SPAG11B: variants seen among roughly 807,000 people sequenced by gnomAD.
SPAG11B encodes sperm associated antigen 11B, also known as sperm-associated antigen 11B.
Under a neutral mutation model 8.9 loss-of-function variants are expected in SPAG11B, and 5 were observed. That is an observed-to-expected ratio of 0.56 (90% CI 0.29 to 1.19). SPAG11B has a LOEUF of 1.19. Among genes scored for constraint, SPAG11B ranks in the 50% most tolerant of loss-of-function variants. SPAG11B has a pLI of 0.08. For synonymous variants in SPAG11B, 12 were observed against 53.0 expected, an observed-to-expected ratio of 0.23 and a Z score of 3.36; for missense variants, 38 against 146.4, an observed-to-expected ratio of 0.26 and a Z score of 3.82.
At position 7,453,925 on chromosome 8, in the gene SPAG11B, A is replaced by G. The variant is rs1358493662; in HGVS notation, c.215-3025T>C. Among the ~76,000 whole-genome samples the G allele has an allele frequency of 2.4e-4, 36 of 147,286 alleles. 1 individual carries two copies. The highest frequency in any genetic ancestry group is 3.5e-3 in the Middle Eastern group (1 of 284). On this transcript the variant is annotated intron_variant, in intron 2 of 2. Transcript: ENST00000398462. ...ACCCTCCACCAAAAAAAAAGAGAGA[A>G]AAAAAAAAGTTACCTTAAATGTTAG...
At chr8:7,452,578 A>G (rs549278989) in intron 2 of SPAG11B, among the ~76,000 whole-genome samples, 1 of 10,184 alleles carries the variant, frequency 9.8e-5, no homozygotes, top group African/African-American at 4.2e-4. Flanking sequence ...ATATACGGAT[A>G]TTGAAGAGGA....
chr8:7,453,391 C>T (rs1810302193), intron 2 of SPAG11B, among the ~76,000 whole-genome samples: 1 of 149,246 alleles, frequency 6.7e-6, no homozygotes, highest in South Asian at 2.1e-4. Context: ...CTCTCCTATC[C>T]CCCTGGGCTT....
downstream of SPAG11B, among the ~76,000 whole-genome samples, chr8:7,450,240 C>T (rs2128871551): frequency 7.1e-6 from 1 of 141,622 alleles, no homozygotes; most frequent in South Asian, 2.2e-4. Flanking sequence ...AGAGTAAATG[C>T]TTGAAAACAA....
intron 2 of SPAG11B, among the ~76,000 whole-genome samples, chr8:7,458,625 T>A (rs1585512851): frequency 9.0e-6 from 1 of 111,454 alleles, no homozygotes; most frequent in South Asian, 3.0e-4. Flanking sequence ...ATAAGACTAT[T>A]TAAAAATAAT....
intron 2 of SPAG11B, among the ~76,000 whole-genome samples, chr8:7,452,914 T>G (rs1324878616): frequency 7.0e-6 from 1 of 142,700 alleles, no homozygotes; most frequent in Admixed American, 7.0e-5. Context: ...CAAGAAGATG[T>G]GTACAACAAC....
intron 2 of SPAG11B, among the ~76,000 whole-genome samples, chr8:7,453,911 A>G (rs1417586894): frequency 6.7e-6 from 1 of 149,046 alleles, no homozygotes; most frequent in African/African-American, 2.5e-5. Context: ...CCCTCCACCA[A>G]AAAAAAAGAG....
At chr8:7,453,557 C>T (rs1440315985) in intron 2 of SPAG11B, among the ~76,000 whole-genome samples, 1 of 148,972 alleles carries the variant, frequency 6.7e-6, no homozygotes, top group Non-Finnish European at 1.5e-5. Context: ...CTTGCAGAGC[C>T]TTGTTATTCT....
At chr8:7,452,289 C>G in intron 2 of SPAG11B, 1 of 92,098 alleles carries the variant, frequency 1.1e-5, no homozygotes, top group Non-Finnish European at 1.7e-5. Context: ...CAAAAGAGAA[C>G]AGCAAACAGA....
intron 2 of SPAG11B, chr8:7,451,276 A>G (rs4840280): frequency 0.86 from 948,014 of 1,103,926 alleles, 407,819 homozygotes; most frequent in South Asian, 0.9. Context: ...AAGGAAATTA[A>G]AGGTATTAAC....
At chr8:7,453,809 G>A (rs1196409501) in intron 2 of SPAG11B, among the ~76,000 whole-genome samples, 2 of 148,576 alleles carry the variant, frequency 1.3e-5, no homozygotes, top group African/African-American at 5.1e-5. Context: ...CCCTGGCAGG[G>A]ACTCTCTGAC....
Position 7,450,912 on chromosome 8 carries a change from A to G in SPAG11B, c.215-12T>C, listed in dbSNP as rs1563340649. On this transcript the variant is annotated splice_polypyrimidine_tract_variant and intron_variant, in intron 2 of 2. Transcript: ENST00000398462. Reference sequence around the variant, plus strand: ...CGGTGGAACATCCCCTATGGATACAACAGAAGAGAGTTGACATTTAACTCA... The same window carrying G: ...CGGTGGAACATCCCCTATGGATACAGCAGAAGAGAGTTGACATTTAACTCA... 2 of 1,552,288 alleles carry G rather than the reference A, an allele frequency of 1.3e-6. No homozygotes were observed. Among genetic ancestry groups the G allele is most frequent in the Non-Finnish European group, 8.8e-7 (1 of 1,139,818 alleles).
downstream of SPAG11B, among the ~76,000 whole-genome samples, chr8:7,448,302 CAAAAAAAAAA>C (rs71221492): frequency 0.012 from 586 of 48,894 alleles, 4 homozygotes; most frequent in South Asian, 0.068. Context: ...AACAAGTGGT[CAAAAAAAAAA>C]AAAAAAAAAA....
chr8:7,452,975 A>G (rs1810270792), intron 2 of SPAG11B, among the ~76,000 whole-genome samples: 1 of 147,890 alleles, frequency 6.8e-6, no homozygotes, highest in African/African-American at 2.6e-5. Context: ...AAACAGAGAC[A>G]ACGTACCACA....
downstream of SPAG11B, among the ~76,000 whole-genome samples, chr8:7,449,626 A>C (rs1457524490): frequency 1.8e-4 from 27 of 149,808 alleles, no homozygotes; most frequent in African/African-American, 6.7e-4. Context: ...GAAAAAAAAC[A>C]AGAGTGAGTT....
intron 2 of SPAG11B, among the ~76,000 whole-genome samples, chr8:7,451,476 T>C (rs12682529): frequency 0.21 from 17,140 of 81,080 alleles, 472 homozygotes; most frequent in East Asian, 0.33. Flanking sequence ...CTGCAAATGC[T>C]ACGTACGATG....
At chr8:7,449,566 G>A (rs1471852185), downstream of SPAG11B, among the ~76,000 whole-genome samples, 1 of 149,922 alleles carries the variant, frequency 6.7e-6, no homozygotes, top group Non-Finnish European at 1.5e-5. Context: ...GTGCCTAAGA[G>A]AGACTTACTC....
At chr8:7,447,919 G>C (rs543779096), downstream of SPAG11B, 9,262 of 1,007,684 alleles carry the variant, frequency 9.2e-3, 1,870 homozygotes, top group Non-Finnish European at 0.012. Context: ...CGGCTGCAGA[G>C]AGCTGCCTCC....
At chr8:7,458,386 C>CAGAT (rs1203876195) in intron 2 of SPAG11B, among the ~76,000 whole-genome samples, 4 of 51,106 alleles carry the variant, frequency 7.8e-5, no homozygotes, top group African/African-American at 3.7e-4. Context: ...CATGAGCAAG[C>CAGAT]AGATGTTAGC....
At position 7,450,765 on chromosome 8, in the gene SPAG11B, G is replaced by C. The variant is rs764036815; in HGVS notation, c.350C>G (p.Thr117Arg). ...TGGTTTCTCTTTTCCTTCTTCATCT[G>C]TATTTGATACGCAACACCTATTCCA... is the stretch of plus-strand genomic sequence containing the variant. ...DPWNRCCVSN[T>R]DEEGKEKPEM... The change falls in exon 3 of 3, where the codon ACA becomes AGA. Residue 117 changes from threonine to arginine, a missense_variant. By Grantham distance (71) the Thr-to-Arg change is moderately conservative. Transcript: ENST00000398462. 1.2e-6 allele frequency: 2 copies of C among 1,607,482 alleles called. No individual in the cohort carries two copies. Among genetic ancestry groups the C allele is most frequent in the Non-Finnish European group, 1.7e-6 (2 of 1,177,472 alleles).
Sources: allele counts gnomAD v4.1 joint callset (sites outside exome capture counted in the v4.1 genomes callset), GRCh38; gene constraint gnomAD v4.1.1; transcripts MANE v1.5; gene names NCBI Gene and HGNC (gene_info 2026-07-23, HGNC 2026-07-21).